DIO2: variants seen among roughly 807,000 people sequenced by gnomAD.
DIO2 encodes the protein iodothyronine deiodinase 2.
DIO2 carries 19 observed loss-of-function variants against 21.4 expected under a neutral mutation model. That is an observed-to-expected ratio of 0.89 (90% confidence interval 0.62 to 1.30). The LOEUF is 1.30. Ranked by LOEUF, DIO2 falls within the 50% of genes most tolerant of loss-of-function variation. DIO2 has a pLI of 0.00. For missense variants in DIO2, 302 were observed against 338.1 expected (o/e 0.89, Z 0.84); for synonymous variants, 122 against 132.9 (o/e 0.92, Z 0.57).
rs1272644268 is a variant in DIO2 at position 80,200,064 on chromosome 14, C to T, written c.*2625G>A. The T allele has an allele frequency of 1.3e-5, 2 of 152,534 alleles. No homozygotes were observed. The highest frequency in any genetic ancestry group is 2.4e-5 in the African/African-American group (1 of 41,406). The allele number at this position is 152,534 out of a possible 1,614,324, so 9.4% of individuals were successfully genotyped here. A position where few individuals can be genotyped will look rare whatever the true frequency, so the allele number is the denominator to read the frequency against. On this transcript the variant is annotated 3_prime_UTR_variant, in exon 2 of 2. Transcript: ENST00000438257. Reference sequence around the variant, plus strand: ...GTTAATTTCATAAAAGAATACATCACAAGAAATCATAAAAATTCATGTTGC... The same window carrying T: ...GTTAATTTCATAAAAGAATACATCATAAGAAATCATAAAAATTCATGTTGC...
chr14:80,229,621 T>C (rs1405265308), intron 2 of DIO2, among the ~76,000 whole-genome samples: 1 of 152,184 alleles, frequency 6.6e-6, no homozygotes, highest in Non-Finnish European at 1.5e-5. Context: ...TCCTCTACAT[T>C]AAGCCAAGGA....
intron 1 of DIO2, chr14:80,206,161 T>C: frequency 9.9e-7 from 1 of 1,006,616 alleles, no homozygotes; most frequent in South Asian, 1.6e-5. Context: ...TGAAGGTGCC[T>C]AGGCAAGAGA....
intron 1 of DIO2, among the ~76,000 whole-genome samples, chr14:80,210,285 C>T (rs1329758567): frequency 6.6e-6 from 1 of 152,192 alleles, no homozygotes; most frequent in Non-Finnish European, 1.5e-5. Context: ...CGAAAATCAT[C>T]CTCTGTGCCC....
At chr14:80,229,863 G>A (rs1888650470) in intron 2 of DIO2, among the ~76,000 whole-genome samples, 1 of 152,090 alleles carries the variant, frequency 6.6e-6, no homozygotes, top group African/African-American at 2.4e-5. Flanking sequence ...CCAGATTGCT[G>A]TTTATATAAA....
At chr14:80,217,863 C>T (rs185068033) in intron 2 of DIO2, among the ~76,000 whole-genome samples, 2 of 152,234 alleles carry the variant, frequency 1.3e-5, no homozygotes, top group East Asian at 1.9e-4. Flanking sequence ...TTAAATAATA[C>T]CAACTCACTC....
intron 1 of DIO2, chr14:80,206,087 T>A: frequency 1.6e-6 from 1 of 632,062 alleles, no homozygotes; most frequent in East Asian, 3.1e-5. Flanking sequence ...ATTATTTTTA[T>A]TTTGTTGAGG....
upstream of DIO2, among the ~76,000 whole-genome samples, chr14:80,213,978 G>A (rs1048727123): frequency 2.6e-5 from 4 of 152,240 alleles, no homozygotes; most frequent in Middle Eastern, 3.4e-3. Flanking sequence ...TACAATGTTA[G>A]CAAAATAATA....
chr14:80,201,058 T>C lies in DIO2; in HGVS notation c.*1631A>G, dbSNP rs1887697222. ...CATATTTACCAAAAAGAAATTATGATACGAAAGTGGTTGGTCCATTCTTTT... is the reference window on the plus strand; with the variant it reads ...CATATTTACCAAAAAGAAATTATGACACGAAAGTGGTTGGTCCATTCTTTT... On this transcript the variant is annotated 3_prime_UTR_variant, in exon 2 of 2. Coordinates refer to ENST00000438257, the MANE Select transcript of DIO2 (RefSeq NM_013989.5). 1 of 152,006 alleles carries C rather than the reference T, an allele frequency of 6.6e-6. No individual in the cohort carries two copies. The highest frequency in any genetic ancestry group is 2.1e-4 in the South Asian group (1 of 4,830). The allele number at this position is 152,006 out of a possible 1,614,324, so 9.4% of individuals were successfully genotyped here.
intron 2 of DIO2, among the ~76,000 whole-genome samples, chr14:80,228,295 A>G (rs1594884654): frequency 6.6e-6 from 1 of 152,342 alleles, no homozygotes; most frequent in East Asian, 1.9e-4. Context: ...ATGGAGAAAA[A>G]GGCATTTGCC....
In DIO2 at chr14:80,200,668, C is replaced by T. The variant is rs1887679800; in HGVS notation, c.*2021G>A. On this transcript the variant is annotated 3_prime_UTR_variant, in exon 2 of 2. Coordinates refer to ENST00000438257, the MANE Select transcript of DIO2 (RefSeq NM_013989.5). ...TTCTCAATATGATTTTCCAGCAACT[C>T]ATTAGATAATGAAATTTGCTTTGTT... 6.6e-6 allele frequency: 1 copy of T among 152,166 alleles called. No homozygotes were observed. Among genetic ancestry groups the T allele is most frequent in the African/African-American group, 2.4e-5 (1 of 41,436 alleles). The allele number at this position is 152,166 out of a possible 1,614,324, so 9.4% of individuals were successfully genotyped here. A position where few individuals can be genotyped will look rare whatever the true frequency, so the allele number is the denominator to read the frequency against.
intron 2 of DIO2, among the ~76,000 whole-genome samples, chr14:80,224,496 T>TAC (rs59545805): frequency 0.037 from 5,190 of 138,418 alleles, 153 homozygotes; most frequent in African/African-American, 0.083. Context: ...AGAGAGATAC[T>TAC]ACACACACAC....
chr14:80,212,563 G>C (rs1888249893), upstream of DIO2, among the ~76,000 whole-genome samples: 1 of 152,044 alleles, frequency 6.6e-6, no homozygotes, highest in Admixed American at 6.5e-5. Flanking sequence ...AAGGCAGGTA[G>C]AAAAAAGGAA....
intron 2 of DIO2, among the ~76,000 whole-genome samples, chr14:80,224,459 C>T (rs183214892): frequency 1.1e-4 from 17 of 150,378 alleles, no homozygotes; most frequent in Non-Finnish European, 2.2e-4. Context: ...TTAAATGCCA[C>T]CTCATGTGTC....
At chr14:80,225,024 T>C (rs1888543844) in intron 2 of DIO2, among the ~76,000 whole-genome samples, 1 of 152,180 alleles carries the variant, frequency 6.6e-6, no homozygotes, top group East Asian at 1.9e-4. Context: ...AAAGATGTAG[T>C]CTGGGAGGCT....
Position 80,202,686 on chromosome 14 carries a change from C to G in DIO2, c.*3G>C. ...AACAATAAGCTCTCTTATAATCATA[C>G]CTTTAACCAGCTAATCTAGTTTTCT... On this transcript the variant is annotated 3_prime_UTR_variant, in exon 2 of 2. Transcript: ENST00000438257. 1 of 1,606,262 alleles carries G rather than the reference C, an allele frequency of 6.2e-7. No individual in the cohort carries two copies. The highest frequency in any genetic ancestry group is 8.5e-7 in the Non-Finnish European group (1 of 1,175,844).
intron 2 of DIO2, among the ~76,000 whole-genome samples, chr14:80,218,379 G>T (rs766344566): frequency 1.3e-4 from 20 of 152,124 alleles, no homozygotes; most frequent in Non-Finnish European, 2.4e-4. Flanking sequence ...TTATGGGTGG[G>T]TTCTTTGCCT....
rs1001327625 is a variant in DIO2, at chr14:80,202,030, C to T, written c.*659G>A. ...CTTTTTTACCACTCTCTCCACCTGC[C>T]TAGAAATTAACCCTCAGATTACAGA... On this transcript the variant is annotated 3_prime_UTR_variant, in exon 2 of 2. Transcript: ENST00000438257. 5.1e-6 allele frequency: 1 copy of T among 194,772 alleles called. No homozygotes were observed. The highest frequency in any genetic ancestry group is 1.1e-5 in the Non-Finnish European group (1 of 94,472). The allele number at this position is 194,772 out of a possible 1,614,324, so 12.1% of individuals were successfully genotyped here.
At position 80,203,290 on chromosome 14, in the gene DIO2, T is replaced by C; in HGVS notation, c.223-2A>G. ...GGGGGCATCCTCACCCAATTTCACCTGACGGTAAAAAAAAAAAAAAAGAAG... is the reference window on the plus strand; with the variant it reads ...GGGGGCATCCTCACCCAATTTCACCCGACGGTAAAAAAAAAAAAAAAGAAG... On this transcript the variant is annotated splice_acceptor_variant, in intron 1 of 1. Coordinates refer to ENST00000438257, the MANE Select transcript of DIO2 (RefSeq NM_013989.5). LOFTEE classifies it high-confidence loss of function. 1 of 1,451,680 alleles carries C rather than the reference T, an allele frequency of 6.9e-7. No homozygotes were observed. Among genetic ancestry groups the C allele is most frequent in the Non-Finnish European group, 9.0e-7 (1 of 1,109,594 alleles). 89.9% of individuals were successfully genotyped at this position (1,451,680 alleles called of 1,614,324 possible). A position where few individuals can be genotyped will look rare whatever the true frequency, so the allele number is the denominator to read the frequency against.
chr14:80,207,799 A>G (rs1888007163), intron 1 of DIO2, among the ~76,000 whole-genome samples: 1 of 152,150 alleles, frequency 6.6e-6, no homozygotes, highest in Non-Finnish European at 1.5e-5. Context: ...TGTAGCTCTA[A>G]GCTCTATCAT....
Sources: gnomAD v4.1 joint callset for allele counts (sites outside exome capture counted in the v4.1 genomes callset) on GRCh38, gnomAD v4.1.1 for gene constraint, MANE v1.5 for transcripts, NCBI Gene and HGNC (gene_info 2026-07-23, HGNC 2026-07-21) for gene names.